ATP7B: variants seen among roughly 807,000 people sequenced by gnomAD.
The protein encoded by ATP7B is ATPase copper transporting beta.
Under a neutral mutation model 118.9 loss-of-function variants are expected in ATP7B, and 113 were observed. The observed-to-expected ratio is 0.95, with a 90% CI of 0.82 to 1.11. ATP7B has a LOEUF of 1.11. ATP7B is among the 50% of genes most tolerant of loss of function. The probability of loss-of-function intolerance (pLI) is 0.00; values close to 1 mark genes in which losing one functional copy is unlikely to be tolerated. For missense variants in ATP7B, 1,867 were observed against 1,871.4 expected (o/e 1.00, Z 0.04); for synonymous variants, 777 against 727.4 (o/e 1.07, Z -1.10).
chr13:51,960,288 C>CA lies in ATP7B; in HGVS notation c.1980dup (p.Gly661TrpfsTer94), dbSNP rs865951003. On this transcript the variant is annotated frameshift_variant, in exon 7 of 21. Coordinates refer to ENST00000242839, the MANE Select transcript of ATP7B (RefSeq NM_000053.4). LOFTEE classifies it high-confidence loss of function. ...ATCATTAAGGCCATGACAGGGATGC[C>CA]AAACACCAGGCTGCACAGGAAAGAC... is the stretch of plus-strand genomic sequence containing the variant. 6.2e-7 allele frequency: 1 copy of CA among 1,613,828 alleles called. No individual in the cohort carries two copies. Among genetic ancestry groups the CA allele is most frequent in the Non-Finnish European group, 8.5e-7 (1 of 1,179,858 alleles).
At chr13:51,940,317 C>T (rs564226480) in intron 16 of ATP7B, among the ~76,000 whole-genome samples, 2 of 146,940 alleles carry the variant, frequency 1.4e-5, no homozygotes, top group East Asian at 2.2e-4. Flanking sequence ...CTGGCCAACA[C>T]ACAGTCTTGA....
intron 12 of ATP7B, among the ~76,000 whole-genome samples, chr13:51,948,779 T>C (rs924356432): frequency 1.3e-5 from 2 of 152,232 alleles, no homozygotes; most frequent in African/African-American, 4.8e-5. Flanking sequence ...TGAGGTTTAA[T>C]AAAACCATAT....
chr13:52,004,047 C>G (rs1953657548), intron 1 of ATP7B, among the ~76,000 whole-genome samples: 1 of 152,074 alleles, frequency 6.6e-6, no homozygotes, highest in African/African-American at 2.4e-5. Flanking sequence ...TACCTGAGGT[C>G]AGGAGTTCAA....
chr13:52,009,325 T>C (rs112138608), intron 1 of ATP7B, among the ~76,000 whole-genome samples: 3 of 152,314 alleles, frequency 2.0e-5, no homozygotes, highest in African/African-American at 7.2e-5. Flanking sequence ...CCCTTCCTTG[T>C]CTGGATCTGG....
chr13:52,004,514 C>T (rs930230588), intron 1 of ATP7B, among the ~76,000 whole-genome samples: 7 of 152,204 alleles, frequency 4.6e-5, no homozygotes, highest in African/African-American at 1.7e-4. Flanking sequence ...CTTAGCTTAA[C>T]CAATCACAAT....
chr13:51,992,141 A>G (rs1952948137), intron 1 of ATP7B, among the ~76,000 whole-genome samples: 1 of 152,138 alleles, frequency 6.6e-6, no homozygotes, highest in African/African-American at 2.4e-5. Context: ...TAAAAAAAAA[A>G]AAAAAGAAAT....
At chr13:51,959,026 C>G (rs73498183) in intron 7 of ATP7B, 1 of 172,358 alleles carries the variant, frequency 5.8e-6, no homozygotes. Context: ...TACACATACA[C>G]GCAAGTGTGC....
intron 1 of ATP7B, among the ~76,000 whole-genome samples, chr13:51,995,888 C>A (rs1215926133): frequency 6.6e-6 from 1 of 152,230 alleles, no homozygotes; most frequent in African/African-American, 2.4e-5. Context: ...GCACACTGGA[C>A]ACCCGGCCAA....
chr13:51,961,810 G>A lies in ATP7B; in HGVS notation c.1946+27C>T, dbSNP rs184214275. 1.4e-5 allele frequency: 22 copies of A among 1,601,588 alleles called. No homozygotes were observed. The African/African-American group carries it at 2.7e-4, about 19-fold the overall frequency. ...AGAGGAAGGGACTTAGATGAGAGCT[G>A]GAGTTTATCTTTTGTGTTCTACCTA... On this transcript the variant is annotated intron_variant, in intron 6 of 20. Coordinates refer to ENST00000242839, the MANE Select transcript of ATP7B (RefSeq NM_000053.4).
chr13:51,945,249 A>G (rs769693703), intron 13 of ATP7B, among the ~76,000 whole-genome samples: 2 of 152,108 alleles, frequency 1.3e-5, no homozygotes, highest in Non-Finnish European at 2.9e-5. Flanking sequence ...ACACTTTACT[A>G]AATCTTCAGC....
At chr13:52,008,581 A>T (rs1953884703) in intron 1 of ATP7B, among the ~76,000 whole-genome samples, 1 of 152,198 alleles carries the variant, frequency 6.6e-6, no homozygotes, top group African/African-American at 2.4e-5. Context: ...ACTTGTTATG[A>T]ATAACAAAAG....
At position 51,974,295 on chromosome 13, in the gene ATP7B, C is replaced by G. The variant is rs551158302; in HGVS notation, c.925G>C (p.Val309Leu). The G allele has an allele frequency of 6.8e-6, 11 of 1,614,158 alleles. No individual in the cohort carries two copies. Among genetic ancestry groups the G allele is most frequent in the South Asian group, 1.1e-5 (1 of 91,084 alleles). Residue 309 changes from valine (V) to leucine (L), a missense_variant, in exon 2 of 21, where the codon GTG becomes CTG. Transcript: ENST00000242839. ...GCCTCGATAGCCCTCTGCAGAGCCA[C>G]TGGGCTGGTACAAGAAGGGTCATAC... The part of the protein sequence containing the change: ...VKYDPSCTSP[V>L]ALQRAIEALP...
At chr13:51,968,324 C>A in intron 4 of ATP7B, 120 bp downstream of exon 4, 1 of 1,447,852 alleles carries the variant, frequency 6.9e-7, no homozygotes, top group South Asian at 1.2e-5. Context: ...AAACAAAATA[C>A]CCAACAACAA....
chr13:51,944,430 G>C (rs1957530047), intron 13 of ATP7B, 139 bp from the exon 14 acceptor site: 1 of 1,107,644 alleles, frequency 9.0e-7, no homozygotes. Flanking sequence ...GTGATCCTCT[G>C]TCGTTCAATC....
intron 13 of ATP7B, among the ~76,000 whole-genome samples, chr13:51,945,203 G>A (rs1196913359): frequency 6.6e-6 from 1 of 152,184 alleles, no homozygotes; most frequent in Non-Finnish European, 1.5e-5. Context: ...ACGTGGGTAT[G>A]CCATCCCCTA....
At chr13:51,973,814 T>C in intron 2 of ATP7B, 121 bp downstream of exon 2, 2 of 1,425,644 alleles carry the variant, frequency 1.4e-6, no homozygotes, top group African/African-American at 1.4e-5. Flanking sequence ...TTTGCAGGAT[T>C]TTGTTCCACT....
At chr13:51,985,136 A>G (rs1045168568) in intron 1 of ATP7B, among the ~76,000 whole-genome samples, 1 of 152,228 alleles carries the variant, frequency 6.6e-6, no homozygotes, top group East Asian at 1.9e-4. Context: ...TTGGATAAAG[A>G]GTCAAGACTC....
At chr13:51,994,939 A>T (rs78235570) in intron 1 of ATP7B, among the ~76,000 whole-genome samples, 6 of 152,358 alleles carry the variant, frequency 3.9e-5, no homozygotes, top group African/African-American at 1.2e-4. Flanking sequence ...AACTTGCTTA[A>T]GAAAAGGAAC....
In ATP7B at chr13:51,960,254, A is replaced by G. The variant is rs1237612612; in HGVS notation, c.2015T>C (p.Leu672Pro). The G allele has an allele frequency of 6.2e-7, 1 of 1,613,772 alleles. No homozygotes were observed. The highest frequency in any genetic ancestry group is 1.3e-5 in the African/African-American group (1 of 74,930). The change falls in exon 7 of 21, where the codon CTG becomes CCG. Residue 672 changes from leucine (L) to proline (P), a missense_variant. By Grantham distance (98) the Leu-to-Pro change is moderately conservative. Transcript: ENST00000242839. ...IPVMALMIYMLIPSNEPHQSM... is the reference protein window; with the variant it reads ...IPVMALMIYMPIPSNEPHQSM... ...CTGGTGGGGCTCGTTGCTGGGTATC[A>G]GCATATAGATCATTAAGGCCATGAC...
Sources: gnomAD v4.1 joint callset for allele counts (sites outside exome capture counted in the v4.1 genomes callset) on GRCh38, gnomAD v4.1.1 for gene constraint, MANE v1.5 for transcripts, NCBI Gene and HGNC (gene_info 2026-07-23, HGNC 2026-07-21) for gene names.